ROR1: variants seen among roughly 807,000 people sequenced by gnomAD.
ROR1 encodes the protein inactive tyrosine-protein kinase transmembrane receptor ROR1.
ROR1 carries 19 observed loss-of-function variants against 78.8 expected under a neutral mutation model. That is an observed-to-expected ratio of 0.24 (90% CI 0.17 to 0.35). The LOEUF (loss-of-function observed/expected upper bound fraction) is 0.35, where lower values mean the gene tolerates loss of function less well. Ranked by LOEUF, ROR1 falls within the 10% of genes least tolerant of loss-of-function variation. ROR1 has a pLI of 1.00. For synonymous variants in ROR1, 386 were observed against 433.6 expected, an observed-to-expected ratio of 0.89 and a Z score of 1.36; for missense variants, 917 against 1,177.8, an observed-to-expected ratio of 0.78 and a Z score of 3.24.
At position 64,047,317 on chromosome 1, in the gene ROR1, A is replaced by G. The variant is rs769265029; in HGVS notation, c.164-2374A>G. On this transcript the variant is annotated intron_variant, in intron 2 of 8. Coordinates refer to ENST00000371079, the MANE Select transcript of ROR1 (RefSeq NM_005012.4). ...ATTTTTGAGTGCTTACTTTTTGCCA[A>G]ACACTGGTTGAAGTGCTTCCCAGAT... Among the ~76,000 whole-genome samples the G allele has an allele frequency of 2.6e-5, 4 of 152,304 alleles. No homozygotes were observed. In the South Asian group the frequency reaches 8.3e-4, roughly 32 times the overall value.
intron 1 of ROR1, among the ~76,000 whole-genome samples, chr1:63,822,858 G>A (rs1644931183): frequency 6.6e-6 from 1 of 151,774 alleles, no homozygotes; most frequent in Non-Finnish European, 1.5e-5. Context: ...TTATTTTCTT[G>A]GCAATAACCC....
chr1:63,954,433 A>G (rs1645965568), intron 1 of ROR1, among the ~76,000 whole-genome samples: 1 of 152,238 alleles, frequency 6.6e-6, no homozygotes, highest in African/African-American at 2.4e-5. Flanking sequence ...TCTTAGCTAC[A>G]GTTCTATTAT....
intron 1 of ROR1, among the ~76,000 whole-genome samples, chr1:63,877,251 G>A (rs866980741): frequency 6.6e-6 from 1 of 152,106 alleles, no homozygotes; most frequent in Non-Finnish European, 1.5e-5. Context: ...AAATTCCTCT[G>A]CGTGTGGAAG....
At chr1:64,037,383 C>T (rs1308972322) in intron 2 of ROR1, among the ~76,000 whole-genome samples, 1 of 152,176 alleles carries the variant, frequency 6.6e-6, no homozygotes, top group Non-Finnish European at 1.5e-5. Flanking sequence ...TTTCTGGCTT[C>T]ACTGACAGCT....
chr1:63,932,625 C>T (rs855949), intron 1 of ROR1, among the ~76,000 whole-genome samples: 129,953 of 152,128 alleles, frequency 0.85, 55,983 homozygotes, highest in East Asian at 0.99. Context: ...CATTACCTTA[C>T]CTGATTCTCA....
chr1:63,863,351 G>A (rs1011548118), intron 1 of ROR1, among the ~76,000 whole-genome samples: 2 of 152,172 alleles, frequency 1.3e-5, no homozygotes, highest in Non-Finnish European at 2.9e-5. Flanking sequence ...AGTGAAAGGA[G>A]GTAAATGAGT....
At chr1:64,000,586 T>A (rs1352761728) in intron 1 of ROR1, among the ~76,000 whole-genome samples, 1 of 152,208 alleles carries the variant, frequency 6.6e-6, no homozygotes. Context: ...TTGGGATGTT[T>A]CTTTCTTGTC....
At chr1:64,010,862 C>T (rs1352082320) in intron 2 of ROR1, among the ~76,000 whole-genome samples, 3 of 152,096 alleles carry the variant, frequency 2.0e-5, no homozygotes, top group African/African-American at 2.4e-5. Context: ...TGAAGAGGTG[C>T]CTTCTGTCAT....
intron 1 of ROR1, among the ~76,000 whole-genome samples, chr1:63,912,681 A>T (rs764741614): frequency 6.6e-6 from 1 of 152,176 alleles, no homozygotes; most frequent in Admixed American, 6.5e-5. Context: ...CTGTTGGGCT[A>T]AGAGGCTGGG....
chr1:64,083,603 A>T (rs1173329822), intron 4 of ROR1, among the ~76,000 whole-genome samples: 3 of 151,634 alleles, frequency 2.0e-5, no homozygotes, highest in Non-Finnish European at 4.4e-5. Context: ...GAGAAAAAAA[A>T]AAAAACAACC....
intron 6 of ROR1, 143 bp from the exon 7 acceptor site, chr1:64,142,262 T>C (rs1177747895): frequency 3.0e-6 from 4 of 1,345,560 alleles, no homozygotes; most frequent in Non-Finnish European, 4.0e-6. Context: ...AGGGAGACTG[T>C]CCTGCATGGC....
intron 1 of ROR1, among the ~76,000 whole-genome samples, chr1:63,959,877 C>A (rs1487365211): frequency 6.6e-6 from 1 of 152,238 alleles, no homozygotes; most frequent in African/African-American, 2.4e-5. Flanking sequence ...CCCCTTCAAC[C>A]TGGAGTGTCC....
rs568837123 is a variant in ROR1 at position 64,026,630 on chromosome 1, C to T, written c.163+17254C>T. On this transcript the variant is annotated intron_variant, in intron 2 of 8. Coordinates refer to ENST00000371079, the MANE Select transcript of ROR1 (RefSeq NM_005012.4). ...AAAGAAAGGAGGTTTAATTGACTCACGGTTCCACATGGCTGCGGAGGCCTC... is the reference window on the plus strand; with the variant it reads ...AAAGAAAGGAGGTTTAATTGACTCATGGTTCCACATGGCTGCGGAGGCCTC... 2.6e-4 allele frequency among the ~76,000 whole-genome samples: 39 copies of T among 152,284 alleles called. No homozygotes were observed. In the East Asian group the frequency reaches 3.5e-3, roughly 14 times the overall value.
intron 7 of ROR1, among the ~76,000 whole-genome samples, chr1:64,149,779 G>T (rs948950250): frequency 6.6e-6 from 1 of 152,148 alleles, no homozygotes; most frequent in Non-Finnish European, 1.5e-5. Flanking sequence ...GAAGCATTTT[G>T]CCTAAGTTCT....
At chr1:63,915,099 T>G (rs947918078) in intron 1 of ROR1, among the ~76,000 whole-genome samples, 3 of 152,228 alleles carry the variant, frequency 2.0e-5, no homozygotes, top group African/African-American at 7.2e-5. Context: ...TATAGTCATC[T>G]TTCTTTTAAA....
chr1:64,173,045 G>C (rs1650282462), intron 8 of ROR1, among the ~76,000 whole-genome samples: 1 of 152,154 alleles, frequency 6.6e-6, no homozygotes, highest in South Asian at 2.1e-4. Context: ...TTGAAAATGA[G>C]TCTATAGTTA....
intron 7 of ROR1, among the ~76,000 whole-genome samples, chr1:64,157,674 C>G (rs532798571): frequency 1.3e-5 from 2 of 152,210 alleles, no homozygotes; most frequent in South Asian, 4.1e-4. Context: ...TTTAAAGGAC[C>G]TTTTGGGTCT....
At chr1:64,090,089 C>T (rs568648961) in intron 4 of ROR1, among the ~76,000 whole-genome samples, 1 of 152,134 alleles carries the variant, frequency 6.6e-6, no homozygotes, top group African/African-American at 2.4e-5. Context: ...GTCCATTAAA[C>T]CTCTTTTTCT....
chr1:64,124,102 G>T (rs1648634053), intron 4 of ROR1, among the ~76,000 whole-genome samples: 1 of 152,076 alleles, frequency 6.6e-6, no homozygotes, highest in Admixed American at 6.6e-5. Flanking sequence ...AAAATAATTT[G>T]TGTGTTTATA....
Sources: gnomAD v4.1 joint callset for allele counts (sites outside exome capture counted in the v4.1 genomes callset) on GRCh38, gnomAD v4.1.1 for gene constraint, MANE v1.5 for transcripts, NCBI Gene and HGNC (gene_info 2026-07-23, HGNC 2026-07-21) for gene names.